The following DDX3X variants were observed in gnomAD, a reference collection of about 807,000 sequenced individuals.
DDX3X encodes DEAD-box helicase 3 X-linked, also known as ATP-dependent RNA helicase DDX3X.
In DDX3X, 4 loss-of-function variants were observed where a neutral mutation model predicts 52.7. The observed-to-expected ratio is 0.08, with a 90% CI of 0.04 to 0.17. The LOEUF (loss-of-function observed/expected upper bound fraction) is 0.17, where lower values mean the gene tolerates loss of function less well. Among genes scored for constraint, DDX3X ranks in the 10% least tolerant of loss-of-function variants. The pLI is 1.00. For missense variants in DDX3X, 222 were observed against 548.6 expected (o/e 0.40, Z 5.95); for synonymous variants, 192 against 178.1 (o/e 1.08, Z -0.62).
chrX:41,345,580 A>G (rs1412563818), intron 12 of DDX3X, 32 bp downstream of exon 12: 1 of 1,141,827 alleles, frequency 8.8e-7, no homozygotes, highest in Admixed American at 2.3e-5. Context: ...TTTATTAGAC[A>G]TGGGGGTTTC....
chrX:41,343,667 A>G (rs1179201111), intron 7 of DDX3X, 70 bp from the exon 8 acceptor site: 1 of 1,008,624 alleles, frequency 9.9e-7, no homozygotes, highest in African/African-American at 1.9e-5. Flanking sequence ...AGGGTAGTTA[A>G]AAAACACTGT....
chrX:41,346,302 T>C lies in DDX3X; in HGVS notation c.1389T>C (p.His463=). 1 of 1,210,420 alleles carries C rather than the reference T, an allele frequency of 8.3e-7. No homozygotes were observed. The highest frequency in any genetic ancestry group is 1.1e-6 in the Non-Finnish European group (1 of 894,562). ...ATTCTCTGGAGGATTTCTTATACCA[T>C]GAAGGATACGCATGTACCAGCATCC... The part of the protein sequence containing the change: ...GADSLEDFLY[H]EGYACTSIHG... The change falls in exon 13 of 17, where the codon CAT becomes CAC. Residue 463 remains histidine (H), a synonymous_variant. Coordinates refer to ENST00000644876, the MANE Select transcript of DDX3X (RefSeq NM_001356.5).
Position 41,348,493 on chromosome X carries a change from C to G in DDX3X, c.*774C>G, listed in dbSNP as rs1262661204. The G allele has an allele frequency of 8.9e-6, 1 of 112,525 alleles. No individual in the cohort carries two copies. The highest frequency in any genetic ancestry group is 3.2e-5 in the African/African-American group (1 of 30,882). The allele number at this position is 112,525 out of a possible 1,213,427, so 9.3% of individuals were successfully genotyped here. The stretch of plus-strand genomic sequence containing the variant: ...TTCCTCTTTCAACGTTTAGGCAGAT[C>G]ATTAATTATGAGCTAGCCAAATGTG... On this transcript the variant is annotated 3_prime_UTR_variant, in exon 17 of 17. Coordinates refer to ENST00000644876, the MANE Select transcript of DDX3X (RefSeq NM_001356.5).
At position 41,341,677 on chromosome X, in the gene DDX3X, C is replaced by T. The variant is rs987229376; in HGVS notation, c.284+61C>T. On this transcript the variant is annotated intron_variant, in intron 4 of 16. Transcript: ENST00000644876. ...AATAACAGTTTAATAAGTCGTTATC[C>T]TGACCACCTGTTTGGATGTTAAGCA... is the stretch of plus-strand genomic sequence containing the variant. 130 of 1,052,885 alleles carry T rather than the reference C, an allele frequency of 1.2e-4. 1 individual carries two copies. The highest frequency in any genetic ancestry group is 1.6e-4 in the Non-Finnish European group (124 of 765,569). The allele number at this position is 1,052,885 out of a possible 1,213,427, so 86.8% of individuals were successfully genotyped here. A position where few individuals can be genotyped will look rare whatever the true frequency, so the allele number is the denominator to read the frequency against.
Position 41,334,882 on chromosome X carries a change from G to A in DDX3X, c.45+585G>A, listed in dbSNP as rs1049284195. 4.1e-5 allele frequency: 21 copies of A among 511,281 alleles called. No homozygotes were observed. In the South Asian group the frequency reaches 7.5e-4, roughly 18 times the overall value. The allele number at this position is 511,281 out of a possible 1,213,427, so 42.1% of individuals were successfully genotyped here. On this transcript the variant is annotated intron_variant, in intron 1 of 16. Coordinates refer to ENST00000644876, the MANE Select transcript of DDX3X (RefSeq NM_001356.5). ...GTGGCTCACCTCCGGGAGACGGCGGGTCTCGGGCGGGCGAAGGCCTGGAAA... is the reference window on the plus strand; with the variant it reads ...GTGGCTCACCTCCGGGAGACGGCGGATCTCGGGCGGGCGAAGGCCTGGAAA...
intron 10 of DDX3X, 173 bp downstream of exon 10, chrX:41,344,572 G>A (rs2063897573): frequency 5.4e-6 from 3 of 553,113 alleles, no homozygotes; most frequent in Admixed American, 2.9e-5. Context: ...CAGGTAGCTG[G>A]GATTACAGGC....
At chrX:41,360,235 G>A (rs2064024334) in intron 5 of DDX3X, among the ~76,000 whole-genome samples, 1 of 106,540 alleles carries the variant, frequency 9.4e-6, no homozygotes, top group African/African-American at 3.4e-5. Context: ...AAAATTAGCT[G>A]GGCGTGGTGG....
Position 41,348,439 on chromosome X carries a change from T to C in DDX3X, c.*720T>C, listed in dbSNP as rs2063953594. ...ACATGCATACATTCAAAGCACTGTT[T>C]TCAAAGTTAATGCAAGTAAATACAG... On this transcript the variant is annotated 3_prime_UTR_variant, in exon 17 of 17. Transcript: ENST00000644876. 1 of 112,827 alleles carries C rather than the reference T, an allele frequency of 8.9e-6. No individual in the cohort carries two copies. Among genetic ancestry groups the C allele is most frequent in the African/African-American group, 3.2e-5 (1 of 30,962 alleles). 9.3% of individuals were successfully genotyped at this position (112,827 alleles called of 1,213,427 possible).
downstream of DDX3X, chrX:41,350,835 G>A (rs1303696420): frequency 1.8e-5 from 2 of 111,715 alleles, no homozygotes; most frequent in African/African-American, 3.3e-5. Context: ...AAGTGTATAG[G>A]TGCTTGGTTA....
intron 1 of DDX3X, 115 bp from the exon 2 acceptor site, chrX:41,337,293 G>A: frequency 3.3e-6 from 2 of 602,087 alleles, no homozygotes; most frequent in Non-Finnish European, 5.6e-6. Context: ...AGCCCTGTGA[G>A]GTGGACTGGG....
At chrX:41,338,599 A>G (rs755997826) in intron 2 of DDX3X, 13 of 111,964 alleles carry the variant, frequency 1.2e-4, no homozygotes, top group African/African-American at 3.9e-4. Context: ...TTCCTTGTTT[A>G]TTTATTGTAT....
Position 41,357,898 on chromosome X carries a change from A to G in DDX3X, c.655-6376A>G, listed in dbSNP as rs755466951. 68 of 293,668 alleles carry G rather than the reference A, an allele frequency of 2.3e-4. No homozygotes were observed. The Middle Eastern group carries it at 4.4e-3, about 19-fold the overall frequency. 24.2% of individuals were successfully genotyped at this position (293,668 alleles called of 1,213,427 possible). A position where few individuals can be genotyped will look rare whatever the true frequency, so the allele number is the denominator to read the frequency against. ...CATATTTTGTGAAGAAAGTGCATGC[A>G]GGAATATTCAGGAGTCCAGCATGTA... On this transcript the variant is annotated intron_variant, in intron 5 of 5. Transcript: ENST00000616050.
intron 10 of DDX3X, 29 bp from the exon 11 acceptor site, chrX:41,345,151 C>T (rs766333513): frequency 8.3e-7 from 1 of 1,200,163 alleles, no homozygotes; most frequent in South Asian, 1.8e-5. Context: ...ATTCTAAACT[C>T]AGGCTTGTTT....
rs1453153749 is a variant in DDX3X at position 41,344,305 on chromosome X, C to G, written c.931C>G (p.Arg311Gly). ...TGGTGCCGATATTGGTCAGCAGATT[C>G]GAGACTTGGAACGTGGATGCCATTT... Reference protein sequence around the residue: ...YGGADIGQQIRDLERGCHLLV... With the variant: ...YGGADIGQQIGDLERGCHLLV... Residue 311 changes from arginine to glycine, a missense_variant, in exon 10 of 17, where the codon CGA becomes GGA. Arg to Gly is a moderately radical substitution (Grantham distance 125). Around this residue, in one of 5 missense-constraint regions of DDX3X, gnomAD observed 73 missense variants for 301.4 expected, o/e 0.24. Coordinates refer to ENST00000644876, the MANE Select transcript of DDX3X (RefSeq NM_001356.5). 2.5e-6 allele frequency: 3 copies of G among 1,211,368 alleles called. No homozygotes were observed. The highest frequency in any genetic ancestry group is 3.4e-6 in the Non-Finnish European group (3 of 895,177).
At chrX:41,336,508 T>A (rs1159310335) in intron 1 of DDX3X, 1 of 112,016 alleles carries the variant, frequency 8.9e-6, no homozygotes, top group Non-Finnish European at 1.9e-5. Context: ...GCCGGGCTCA[T>A]GCTTGTAATC....
rs191078702 is a variant in DDX3X at position 41,348,220 on chromosome X, C to G, written c.*501C>G. On this transcript the variant is annotated 3_prime_UTR_variant, in exon 17 of 17. Transcript: ENST00000644876. ...ATATAAGGAAAAACTTATGCGGTAG[C>G]CTGCATTAGGGCTTTTTGATACTTG... The G allele has an allele frequency of 3.3e-5, 6 of 181,247 alleles. 1 individual carries two copies. In the Admixed American group the frequency reaches 3.9e-4, roughly 12 times the overall value. The allele number at this position is 181,247 out of a possible 1,213,427, so 14.9% of individuals were successfully genotyped here.
At chrX:41,335,213 G>A (rs2147335903) in intron 1 of DDX3X, 1 of 111,241 alleles carries the variant, frequency 9.0e-6, no homozygotes, top group East Asian at 2.8e-4. Context: ...TGTGTGGTAT[G>A]TTAGCCGGGA....
intron 10 of DDX3X, among the ~76,000 whole-genome samples, chrX:41,344,960 A>G (rs778081182): frequency 8.9e-6 from 1 of 112,042 alleles, no homozygotes; most frequent in South Asian, 3.7e-4. Flanking sequence ...GTCAACTAGG[A>G]TGGGCTAATT....
At chrX:41,354,180 G>A (rs768676994), downstream of DDX3X, among the ~76,000 whole-genome samples, 17 of 110,189 alleles carry the variant, frequency 1.5e-4, no homozygotes, top group Non-Finnish European at 2.5e-4. Context: ...ACAAAACCAG[G>A]AAATTGCCAT....
Sources: gnomAD v4.1 joint callset for allele counts (sites outside exome capture counted in the v4.1 genomes callset) on GRCh38, gnomAD v4.1.1 for gene constraint, gnomAD v4.1.1 regional missense constraint, MANE v1.5 for transcripts, NCBI Gene and HGNC (gene_info 2026-07-23, HGNC 2026-07-21) for gene names.